Variants in CTNNA3 observed in about 807,000 individuals in gnomAD.
The protein encoded by CTNNA3 is catenin alpha-3.
In CTNNA3, 76 loss-of-function variants were observed where a neutral mutation model predicts 95.7. That is an observed-to-expected ratio of 0.79 (90% CI 0.66 to 0.96). The LOEUF (loss-of-function observed/expected upper bound fraction) is 0.96, where lower values mean the gene tolerates loss of function less well. Ranked by LOEUF, CTNNA3 falls within the 40% of genes least tolerant of loss-of-function variation. The pLI is 0.00. For missense variants in CTNNA3, 1,191 were observed against 1,089.8 expected (o/e 1.09, Z -1.31); for synonymous variants, 431 against 374.4 (o/e 1.15, Z -1.74).
At chr10:67,321,025 C>T (rs934877343) in intron 5 of CTNNA3, among the ~76,000 whole-genome samples, 3 of 152,224 alleles carry the variant, frequency 2.0e-5, no homozygotes, top group African/African-American at 7.2e-5. Flanking sequence ...CTCCACCCCA[C>T]ACAACGCTTT....
chr10:67,133,201 T>C (rs902545645), intron 7 of CTNNA3, among the ~76,000 whole-genome samples: 2 of 150,084 alleles, frequency 1.3e-5, no homozygotes, highest in Non-Finnish European at 3.0e-5. Flanking sequence ...GGTGAAACAT[T>C]GTATGTCAAT....
At chr10:66,353,425 G>C (rs1239628970) in intron 12 of CTNNA3, among the ~76,000 whole-genome samples, 1 of 152,096 alleles carries the variant, frequency 6.6e-6, no homozygotes, top group African/African-American at 2.4e-5. Flanking sequence ...GCAGCTCACT[G>C]TGTTGAGGCA....
At chr10:65,969,296 T>C (rs566316062) in intron 16 of CTNNA3, among the ~76,000 whole-genome samples, 1 of 152,098 alleles carries the variant, frequency 6.6e-6, no homozygotes, top group Non-Finnish European at 1.5e-5. Flanking sequence ...TGCACAAATA[T>C]AATTACAAAA....
At chr10:66,972,307 C>CAA (rs2132832805) in intron 7 of CTNNA3, among the ~76,000 whole-genome samples, 1 of 152,184 alleles carries the variant, frequency 6.6e-6, no homozygotes, top group East Asian at 1.9e-4. Context: ...ATTTATTATA[C>CAA]TATATATAGC....
Position 67,743,223 on chromosome 10 carries a change from C to T in CTNNA3, c.-2+20211G>A, listed in dbSNP as rs1367174267. On this transcript the variant is annotated intron_variant, in intron 1 of 17. Coordinates refer to the CTNNA3 transcript ENST00000684154. ...AAAAAGAGAATTTTAGACCAATATC[C>T]TTGATGAACATTGATGCAAAAATCC... Among the ~76,000 whole-genome samples the T allele has an allele frequency of 2.6e-5, 4 of 151,174 alleles. 1 individual carries two copies. Among genetic ancestry groups the T allele is most frequent in the Non-Finnish European group, 5.9e-5 (4 of 67,688 alleles).
At chr10:66,879,925 C>CA (rs1397231615) in intron 7 of CTNNA3, among the ~76,000 whole-genome samples, 1 of 152,004 alleles carries the variant, frequency 6.6e-6, no homozygotes, top group African/African-American at 2.4e-5. Context: ...TTACCTGACA[C>CA]ATACTGGGAA....
At chr10:66,495,631 G>GTCA in intron 11 of CTNNA3, among the ~76,000 whole-genome samples, 1 of 151,624 alleles carries the variant, frequency 6.6e-6, no homozygotes, top group East Asian at 2.0e-4. Flanking sequence ...CATACTGGAA[G>GTCA]TCATTTTGGG....
chr10:66,282,884 T>G (rs1045024018), intron 12 of CTNNA3, among the ~76,000 whole-genome samples: 2 of 151,842 alleles, frequency 1.3e-5, no homozygotes, highest in African/African-American at 4.8e-5. Flanking sequence ...ATCGAATGAA[T>G]TAAGTGATTA....
At chr10:67,379,098 A>G (rs1843813162) in intron 5 of CTNNA3, among the ~76,000 whole-genome samples, 1 of 152,226 alleles carries the variant, frequency 6.6e-6, no homozygotes, top group Non-Finnish European at 1.5e-5. Flanking sequence ...ACAAGATTTG[A>G]CCTTTTGTGG....
chr10:66,543,911 GTATATATATATATATATATATATATA>G (rs1198925758), intron 10 of CTNNA3, among the ~76,000 whole-genome samples: 1 of 16,224 alleles, frequency 6.2e-5, no homozygotes, highest in African/African-American at 1.5e-4. Context: ...GTGTGTGTGT[GTATATATATATATATATATATATATA>G]TATATATATA....
chr10:66,187,709 A>G (rs2086418574), intron 13 of CTNNA3, among the ~76,000 whole-genome samples: 1 of 152,152 alleles, frequency 6.6e-6, no homozygotes, highest in Admixed American at 6.5e-5. Flanking sequence ...CCATAAAAAG[A>G]ATGCTAATTT....
intron 10 of CTNNA3, among the ~76,000 whole-genome samples, chr10:66,615,092 CTT>C (rs1158672646): frequency 6.6e-6 from 1 of 151,954 alleles, no homozygotes; most frequent in African/African-American, 2.4e-5. Flanking sequence ...CTTAAAACAA[CTT>C]ATTCTTTTTC....
chr10:66,363,149 T>C (rs758589524), intron 12 of CTNNA3, among the ~76,000 whole-genome samples: 1 of 152,202 alleles, frequency 6.6e-6, no homozygotes, highest in East Asian at 1.9e-4. Flanking sequence ...CTTTGCTATA[T>C]CGTGCGCTGC....
At chr10:67,066,413 G>C (rs1048248356) in intron 7 of CTNNA3, among the ~76,000 whole-genome samples, 2 of 151,452 alleles carry the variant, frequency 1.3e-5, no homozygotes, top group African/African-American at 4.9e-5. Flanking sequence ...GGATGATCTC[G>C]ATCTCTTGAC....
intron 5 of CTNNA3, among the ~76,000 whole-genome samples, chr10:67,249,682 A>G (rs1454543421): frequency 5.3e-5 from 8 of 152,236 alleles, no homozygotes; most frequent in African/African-American, 1.9e-4. Flanking sequence ...TTACCCAATT[A>G]TTATCATTAA....
At chr10:67,739,958 A>G (rs1334282947) in intron 1 of CTNNA3, among the ~76,000 whole-genome samples, 1 of 152,178 alleles carries the variant, frequency 6.6e-6, no homozygotes, top group African/African-American at 2.4e-5. Context: ...ACCAAAACAG[A>G]GATATAGATC....
chr10:66,335,896 C>A (rs1363849570), intron 12 of CTNNA3, among the ~76,000 whole-genome samples: 1 of 152,134 alleles, frequency 6.6e-6, no homozygotes, highest in Non-Finnish European at 1.5e-5. Context: ...AGCTTCCCAG[C>A]CGCTTTGTTT....
intron 5 of CTNNA3, among the ~76,000 whole-genome samples, chr10:67,397,401 G>A (rs566388147): frequency 1.3e-5 from 2 of 152,294 alleles, no homozygotes; most frequent in South Asian, 4.1e-4. Flanking sequence ...AAAGAAACTG[G>A]CAGCATTTTG....
At chr10:67,249,161 GA>G (rs1866013284) in intron 5 of CTNNA3, among the ~76,000 whole-genome samples, 2 of 151,904 alleles carry the variant, frequency 1.3e-5, no homozygotes, top group Admixed American at 1.3e-4. Context: ...ACAATATACA[GA>G]ATAATAGAAA....
Sources: gnomAD v4.1 joint callset for allele counts (sites outside exome capture counted in the v4.1 genomes callset) on GRCh38, gnomAD v4.1.1 for gene constraint, MANE v1.5 for transcripts, NCBI Gene and HGNC (gene_info 2026-07-23, HGNC 2026-07-21) for gene names.